PITPNM2: variants seen among roughly 807,000 people sequenced by gnomAD.
PITPNM2 encodes phosphatidylinositol transfer protein membrane associated 2, also known as membrane-associated phosphatidylinositol transfer protein 2.
PITPNM2 carries 35 observed loss-of-function variants against 132.2 expected under a neutral mutation model. The ratio of observed to expected loss-of-function variants is 0.26; its 90% confidence interval spans 0.20 to 0.35. The LOEUF is 0.35. Among genes scored for constraint, PITPNM2 ranks in the 10% least tolerant of loss-of-function variants. The pLI, the probability that PITPNM2 is intolerant of heterozygous loss-of-function variation, is 1.00. For synonymous variants in PITPNM2, 738 were observed against 799.2 expected (o/e 0.92, Z 1.29); for missense variants, 1,332 against 1,912.0 (o/e 0.70, Z 5.66).
At chr12:123,049,398 T>C (rs1384217267) in intron 2 of PITPNM2, among the ~76,000 whole-genome samples, 1 of 152,212 alleles carries the variant, frequency 6.6e-6, no homozygotes, top group Non-Finnish European at 1.5e-5. Flanking sequence ...TGAGATCCCG[T>C]GTGCCCTGTC....
In PITPNM2 at chr12:123,005,265, C is replaced by G. The variant is rs1476063904; in HGVS notation, c.927G>C (p.Lys309Asn). The G allele has an allele frequency of 1.2e-6, 2 of 1,613,260 alleles. No homozygotes were observed. The highest frequency in any genetic ancestry group is 2.7e-5 in the African/African-American group (2 of 74,900). Residue 309 changes from lysine (K) to asparagine (N), a missense_variant, in exon 7 of 26, where the codon AAG (lysine) becomes AAC (asparagine). Physicochemically the swap from Lys to Asn is moderately conservative, Grantham distance 94. This residue lies in a region of PITPNM2 where 710 missense variants were observed against 911.5 expected (regional missense o/e 0.78). Transcript: ENST00000320201. This position sits in a 1 kb window ranked among gnomAD's most constrained non-coding sequence, Gnocchi z 6.2. ...GLKKQWSTSS[K>N]SSRSSKRGAS... ...CTCCCCGCTTGGACGACCGAGACGACTTGGAGGATGTGGACCACTGTTTCT... is the reference window on the plus strand; with the variant it reads ...CTCCCCGCTTGGACGACCGAGACGAGTTGGAGGATGTGGACCACTGTTTCT...
Position 123,064,403 on chromosome 12 carries a change from G to A in PITPNM2, c.-95-29718C>T, listed in dbSNP as rs2041348120. On this transcript the variant is annotated intron_variant, in intron 2 of 25. Coordinates refer to ENST00000320201, the MANE Select transcript of PITPNM2 (RefSeq NM_020845.3). This position sits in a 1 kb window ranked among gnomAD's most constrained non-coding sequence, Gnocchi z 4.0. Reference sequence around the variant, plus strand: ...CCCACAGGAGGCTCTCAGCCACCACGGGGCACAGGTATGTGCAGGAGCATC... The same window carrying A: ...CCCACAGGAGGCTCTCAGCCACCACAGGGCACAGGTATGTGCAGGAGCATC... Among the ~76,000 whole-genome samples the A allele has an allele frequency of 2.0e-5, 3 of 152,296 alleles. No homozygotes were observed. The highest frequency in any genetic ancestry group is 1.9e-4 in the East Asian group (1 of 5,190).
intron 3 of PITPNM2, 25 bp from the exon 4 acceptor site, chr12:123,014,067 T>A: frequency 6.2e-7 from 1 of 1,613,098 alleles, no homozygotes; most frequent in Non-Finnish European, 8.5e-7. Context: ...GCACCTGCAA[T>A]GTGTGTGGGG....
chr12:123,020,806 T>C (rs2039636716), intron 3 of PITPNM2, among the ~76,000 whole-genome samples: 1 of 151,836 alleles, frequency 6.6e-6, no homozygotes, highest in South Asian at 2.1e-4. Flanking sequence ...GCAGATCACC[T>C]GAGGTCAGGA....
At chr12:123,076,245 C>G (rs1420603719) in intron 2 of PITPNM2, 1 of 152,254 alleles carries the variant, frequency 6.6e-6, no homozygotes, top group Non-Finnish European at 1.5e-5. Context: ...TCTCCAGCCC[C>G]AAAGCAGAGG....
At chr12:123,070,404 C>T (rs968462038) in intron 2 of PITPNM2, among the ~76,000 whole-genome samples, 1 of 152,216 alleles carries the variant, frequency 6.6e-6, no homozygotes, top group African/African-American at 2.4e-5. Context: ...TGGGCAATGG[C>T]ACCGCTGTCA....
chr12:122,986,968 CAAT>C, intron 23 of PITPNM2, 139 bp from the exon 24 acceptor site: 1 of 1,182,096 alleles, frequency 8.5e-7, no homozygotes, highest in Non-Finnish European at 1.2e-6. Context: ...CAATGGTTGA[CAAT>C]GACGTGCTGC....
intron 2 of PITPNM2, among the ~76,000 whole-genome samples, chr12:123,100,347 T>G (rs2042531831): frequency 6.6e-6 from 1 of 152,226 alleles, no homozygotes; most frequent in Admixed American, 6.5e-5. Flanking sequence ...GTACACAAGC[T>G]GGGCATGGTG....
At chr12:123,140,791 G>A (rs1275071162) in intron 1 of PITPNM2, among the ~76,000 whole-genome samples, 3 of 152,032 alleles carry the variant, frequency 2.0e-5, no homozygotes, top group Non-Finnish European at 4.4e-5. Flanking sequence ...AACTTCACAA[G>A]TAGGTCCAAA....
At chr12:123,002,607 G>A (rs866598840) in intron 8 of PITPNM2, among the ~76,000 whole-genome samples, 26 of 152,180 alleles carry the variant, frequency 1.7e-4, no homozygotes, top group Middle Eastern at 3.4e-3. Context: ...TTGTAGAGAC[G>A]AGGTTTCACT....
At chr12:123,100,917 C>T (rs1159557457) in intron 2 of PITPNM2, among the ~76,000 whole-genome samples, 1 of 152,204 alleles carries the variant, frequency 6.6e-6, no homozygotes, top group African/African-American at 2.4e-5. Context: ...AGAAGCCTTT[C>T]CTGACTTCAC....
chr12:123,076,991 C>G (rs116463464), intron 2 of PITPNM2, among the ~76,000 whole-genome samples: 187 of 152,234 alleles, frequency 1.2e-3, no homozygotes, highest in African/African-American at 4.3e-3. Context: ...TGTGTCTCCC[C>G]GGGCTGCGCT....
In PITPNM2 at chr12:123,072,276, G is replaced by A. The variant is rs117473116; in HGVS notation, c.-95-37591C>T. ...GAAACTGAGGCTCCGAGAGGTCAAA[G>A]GAATTCTCCAAGATCTTATAATCAG... On this transcript the variant is annotated intron_variant, in intron 2 of 25. Transcript: ENST00000320201. Among the ~76,000 whole-genome samples, 508 of 152,320 alleles carry A rather than the reference G, an allele frequency of 3.3e-3. 3 individuals carry two copies. Among genetic ancestry groups the A allele is most frequent in the South Asian group, 0.014 (66 of 4,830 alleles).
At chr12:123,018,059 C>T (rs976710115) in intron 3 of PITPNM2, among the ~76,000 whole-genome samples, 28 of 124,710 alleles carry the variant, frequency 2.2e-4, no homozygotes, top group African/African-American at 7.7e-4. Flanking sequence ...TCCCTCTTTT[C>T]TCTCTCTCTC....
chr12:123,023,212 G>A lies in PITPNM2; in HGVS notation c.79-9170C>T, dbSNP rs540528179. Among the ~76,000 whole-genome samples, 7 of 152,354 alleles carry A rather than the reference G, an allele frequency of 4.6e-5. No homozygotes were observed. Among genetic ancestry groups the A allele is most frequent in the African/African-American group, 1.7e-4 (7 of 41,584 alleles). ...GTGTCTCCTGGACTTGGTGTATGGCGCAGGGAACTGAGGGCTGTGCTCCCT... is the reference window on the plus strand; with the variant it reads ...GTGTCTCCTGGACTTGGTGTATGGCACAGGGAACTGAGGGCTGTGCTCCCT... On this transcript the variant is annotated intron_variant, in intron 3 of 25. Coordinates refer to ENST00000320201, the MANE Select transcript of PITPNM2 (RefSeq NM_020845.3). This position sits in a 1 kb window ranked among gnomAD's most constrained non-coding sequence, Gnocchi z 4.8.
At chr12:123,151,786 G>C (rs1375244705), upstream of PITPNM2, among the ~76,000 whole-genome samples, 1 of 152,228 alleles carries the variant, frequency 6.6e-6, no homozygotes, top group Non-Finnish European at 1.5e-5. Context: ...AGCCAGGGTG[G>C]ACTTGTTTGG....
chr12:122,988,922 G>A, intron 18 of PITPNM2, 50 bp from the exon 19 acceptor site: 1 of 1,487,604 alleles, frequency 6.7e-7, no homozygotes, highest in Non-Finnish European at 9.0e-7. Flanking sequence ...CCCAGACAGG[G>A]ACCCCGAAGG....
At chr12:123,063,821 T>C (rs2041326605) in intron 2 of PITPNM2, among the ~76,000 whole-genome samples, 1 of 152,184 alleles carries the variant, frequency 6.6e-6, no homozygotes, top group Non-Finnish European at 1.5e-5. Flanking sequence ...TTAAGGAAGT[T>C]ACTTAAACTC....
intron 1 of PITPNM2, among the ~76,000 whole-genome samples, chr12:123,143,736 G>A (rs2043554708): frequency 6.6e-6 from 1 of 152,200 alleles, no homozygotes; most frequent in South Asian, 2.1e-4. Context: ...CTGTAGACTT[G>A]AGCAGAGAGA....
Sources: gnomAD v4.1 joint callset for allele counts (sites outside exome capture counted in the v4.1 genomes callset) on GRCh38, gnomAD v4.1.1 for gene constraint, gnomAD v4.1.1 regional missense constraint, Gnocchi (gnomAD v3.1) non-coding constraint, MANE v1.5 for transcripts, NCBI Gene and HGNC (gene_info 2026-07-23, HGNC 2026-07-21) for gene names.